Variants in AGBL4 observed in about 807,000 individuals in gnomAD.
The protein encoded by AGBL4 is AGBL carboxypeptidase 4.
Under a neutral mutation model 66.4 loss-of-function variants are expected in AGBL4, and 58 were observed. That is an observed-to-expected ratio of 0.87 (90% confidence interval 0.71 to 1.09). The LOEUF is 1.09. Among genes scored for constraint, AGBL4 ranks in the 50% least tolerant of loss-of-function variants. The probability of loss-of-function intolerance (pLI) is 0.00; values close to 1 mark genes in which losing one functional copy is unlikely to be tolerated. For synonymous variants in AGBL4, 234 were observed against 222.9 expected (o/e 1.05, Z -0.44); for missense variants, 579 against 631.0 (o/e 0.92, Z 0.88).
intron 3 of AGBL4, among the ~76,000 whole-genome samples, chr1:49,280,424 C>A (rs1644251328): frequency 6.6e-6 from 1 of 152,142 alleles, no homozygotes; most frequent in African/African-American, 2.4e-5. Flanking sequence ...TCACTCACTG[C>A]CTAAGGAGGG....
chr1:49,463,877 A>C (rs536832196), intron 3 of AGBL4, among the ~76,000 whole-genome samples: 1 of 151,904 alleles, frequency 6.6e-6, no homozygotes, highest in South Asian at 2.1e-4. Flanking sequence ...TCATGCGTTC[A>C]TTCATCCTAT....
chr1:48,994,123 C>CATT (rs1660824721), intron 5 of AGBL4, among the ~76,000 whole-genome samples: 1 of 152,176 alleles, frequency 6.6e-6, no homozygotes, highest in Non-Finnish European at 1.5e-5. Flanking sequence ...CTCCACTCTT[C>CATT]ATTTTCTACT....
intron 3 of AGBL4, among the ~76,000 whole-genome samples, chr1:49,625,930 G>A (rs918980378): frequency 4.6e-5 from 7 of 152,116 alleles, no homozygotes; most frequent in African/African-American, 1.7e-4. Context: ...ATGAATGTCA[G>A]GAGAGAATAG....
At chr1:49,948,564 A>AAAAAAT (rs1553152150) in intron 1 of AGBL4, among the ~76,000 whole-genome samples, 2 of 64,610 alleles carry the variant, frequency 3.1e-5, no homozygotes, top group African/African-American at 7.8e-5. Context: ...AATATATAAA[A>AAAAAAT]ATATATATAT....
At chr1:48,680,021 T>A (rs974872309) in intron 6 of AGBL4, among the ~76,000 whole-genome samples, 8 of 152,236 alleles carry the variant, frequency 5.3e-5, no homozygotes, top group African/African-American at 1.9e-4. Context: ...CCACACTTCT[T>A]GGCACATTGT....
intron 5 of AGBL4, among the ~76,000 whole-genome samples, chr1:48,921,136 G>A (rs1654041846): frequency 6.6e-6 from 1 of 152,162 alleles, no homozygotes; most frequent in African/African-American, 2.4e-5. Flanking sequence ...GATGACAGAG[G>A]GAATCACTCA....
At chr1:49,386,458 A>G (rs1644739161) in intron 3 of AGBL4, among the ~76,000 whole-genome samples, 1 of 151,944 alleles carries the variant, frequency 6.6e-6, no homozygotes, top group African/African-American at 2.4e-5. Context: ...GCAAAATATA[A>G]TCTCACATTT....
chr1:49,896,561 T>C (rs1649224975), intron 1 of AGBL4, among the ~76,000 whole-genome samples: 1 of 151,238 alleles, frequency 6.6e-6, no homozygotes, highest in African/African-American at 2.4e-5. Flanking sequence ...ACTTATTCTA[T>C]GAGGCCAGTA....
intron 2 of AGBL4, among the ~76,000 whole-genome samples, chr1:49,745,197 A>G (rs940511815): frequency 6.6e-6 from 1 of 152,086 alleles, no homozygotes; most frequent in Non-Finnish European, 1.5e-5. Flanking sequence ...CAAAGAGAAT[A>G]TATCACACAA....
At chr1:49,056,201 G>T (rs1008132841) in intron 4 of AGBL4, among the ~76,000 whole-genome samples, 1 of 151,708 alleles carries the variant, frequency 6.6e-6, no homozygotes, top group South Asian at 2.1e-4. Flanking sequence ...AAAATATATT[G>T]CCCAAGAGCT....
At chr1:48,609,131 C>T (rs140607501) in intron 9 of AGBL4, among the ~76,000 whole-genome samples, 21 of 152,172 alleles carry the variant, frequency 1.4e-4, no homozygotes, top group East Asian at 5.8e-4. Flanking sequence ...GGATAAATGA[C>T]GGAGACAAAT....
rs542422467 is a variant in AGBL4 at position 49,913,151 on chromosome 1, G to C, written c.35-61633C>G. ...TTCAAGCACAAACTCAAAAGTCCAT[G>C]GTCTAAAGTCTCATAGAAATCAAAT... On this transcript the variant is annotated intron_variant, in intron 1 of 13. Coordinates refer to ENST00000371839, the MANE Select transcript of AGBL4 (RefSeq NM_032785.4). 3.3e-5 allele frequency among the ~76,000 whole-genome samples: 5 copies of C among 152,228 alleles called. 1 individual carries two copies. Among genetic ancestry groups the C allele is most frequent in the Admixed American group, 3.3e-4 (5 of 15,294 alleles).
At chr1:49,701,225 G>C (rs985499335) in intron 2 of AGBL4, among the ~76,000 whole-genome samples, 1 of 151,840 alleles carries the variant, frequency 6.6e-6, no homozygotes, top group African/African-American at 2.4e-5. Flanking sequence ...CTAGGAGGTG[G>C]AGGATGTAGT....
intron 6 of AGBL4, among the ~76,000 whole-genome samples, chr1:48,789,904 T>C (rs1324781022): frequency 6.6e-6 from 1 of 152,180 alleles, no homozygotes; most frequent in African/African-American, 2.4e-5. Flanking sequence ...CCCCTCTGAC[T>C]CTTACCACTT....
At chr1:49,339,121 C>G (rs1645490464) in intron 3 of AGBL4, among the ~76,000 whole-genome samples, 1 of 152,060 alleles carries the variant, frequency 6.6e-6, no homozygotes, top group Non-Finnish European at 1.5e-5. Context: ...CCCTCCAATC[C>G]ACTTAAGGAA....
chr1:49,244,660 T>A (rs1436074654), intron 4 of AGBL4, among the ~76,000 whole-genome samples: 3 of 151,816 alleles, frequency 2.0e-5, no homozygotes, highest in Non-Finnish European at 4.4e-5. Flanking sequence ...TGAACAGAGA[T>A]CAAAGCTATA....
chr1:49,285,849 C>T (rs958218344), intron 3 of AGBL4, among the ~76,000 whole-genome samples: 2 of 152,194 alleles, frequency 1.3e-5, no homozygotes, highest in Admixed American at 6.5e-5. Context: ...GGAATCCTCC[C>T]TAACTCATTT....
chr1:49,446,694 C>G (rs1460891601), intron 3 of AGBL4, among the ~76,000 whole-genome samples: 1 of 152,082 alleles, frequency 6.6e-6, no homozygotes, highest in East Asian at 1.9e-4. Flanking sequence ...ACATGGATGT[C>G]CTGGTGTGGA....
At position 49,223,938 on chromosome 1, in the gene AGBL4, C is replaced by T. The variant is rs186975782; in HGVS notation, c.377+21832G>A. ...GTAAGCATGGCAGTAAGGAGGATGA[C>T]GATCTTTCTCTAGCTCTGATACAGG... On this transcript the variant is annotated intron_variant, in intron 4 of 13. Transcript: ENST00000371839. 4.9e-3 allele frequency among the ~76,000 whole-genome samples: 742 copies of T among 152,262 alleles called. 2 individuals are homozygous for T. Among genetic ancestry groups the T allele is most frequent in the Non-Finnish European group, 8.1e-3 (550 of 68,022 alleles).
Sources: gnomAD v4.1 joint callset for allele counts (sites outside exome capture counted in the v4.1 genomes callset) on GRCh38, gnomAD v4.1.1 for gene constraint, MANE v1.5 for transcripts, NCBI Gene and HGNC (gene_info 2026-07-23, HGNC 2026-07-21) for gene names.